The following KIAA1549L variants were observed in gnomAD, a reference collection of about 807,000 sequenced individuals.
KIAA1549L encodes the protein UPF0606 protein KIAA1549L.
Under a neutral mutation model 160.7 loss-of-function variants are expected in KIAA1549L, and 88 were observed. That is an observed-to-expected ratio of 0.55 (90% confidence interval 0.46 to 0.65). The LOEUF is 0.65. Ranked by LOEUF, KIAA1549L falls within the 30% of genes least tolerant of loss-of-function variation. The pLI is 0.00. For missense variants in KIAA1549L, 2,258 were observed against 2,437.5 expected, an observed-to-expected ratio of 0.93 and a Z score of 1.55; for synonymous variants, 950 against 976.7, an observed-to-expected ratio of 0.97 and a Z score of 0.51.
At position 33,543,037 on chromosome 11, in the gene KIAA1549L, G is replaced by A. The variant is rs753289651; in HGVS notation, c.1474G>A (p.Ala492Thr). ...AGCCATCCTTTCTGGGGCGGTTCCC[G>A]CATCACCATCAACTGGGACAGCCGA... ...EQAILSGAVP[A>T]SPSTGTADFP... is the part of the protein sequence containing the mutation. The change falls in exon 2 of 21, where the codon GCA (alanine) becomes ACA (threonine). Residue 492 changes from alanine (A) to threonine (T), a missense_variant. Physicochemically the swap from Ala to Thr is moderately conservative, Grantham distance 58. Around this residue, in one of 6 missense-constraint regions of KIAA1549L, gnomAD observed 540 missense variants for 465.7 expected, o/e 1.16. Coordinates refer to ENST00000658780, the MANE Select transcript of KIAA1549L (RefSeq NM_012194.3). 6.8e-6 allele frequency: 11 copies of A among 1,613,804 alleles called. No individual in the cohort carries two copies. Among genetic ancestry groups the A allele is most frequent in the Middle Eastern group, 1.6e-4 (1 of 6,062 alleles).
intron 8 of KIAA1549L, among the ~76,000 whole-genome samples, chr11:33,566,670 C>G (rs1349755151): frequency 6.6e-6 from 1 of 152,220 alleles, no homozygotes; most frequent in African/African-American, 2.4e-5. Flanking sequence ...AAACATCATT[C>G]TCTGTATCTG....
chr11:33,498,870 T>C (rs1885365), intron 1 of KIAA1549L, among the ~76,000 whole-genome samples: 109,341 of 152,026 alleles, frequency 0.72, 39,976 homozygotes, highest in African/African-American at 0.86. Flanking sequence ...CCCTGCAAGA[T>C]CATTGCTCTG....
chr11:33,491,592 C>T (rs1444712799), intron 1 of KIAA1549L, among the ~76,000 whole-genome samples: 1 of 152,090 alleles, frequency 6.6e-6, no homozygotes, highest in Non-Finnish European at 1.5e-5. Context: ...TTTTGAAGCC[C>T]AAGCTAAAAA....
intron 11 of KIAA1549L, among the ~76,000 whole-genome samples, chr11:33,587,840 C>T (rs1849926417): frequency 6.6e-6 from 1 of 152,320 alleles, no homozygotes; most frequent in African/African-American, 2.4e-5. Flanking sequence ...GTCTTAGCTG[C>T]TGTTGGAGCC....
At chr11:33,605,201 A>G (rs969387061) in intron 13 of KIAA1549L, among the ~76,000 whole-genome samples, 2 of 151,422 alleles carry the variant, frequency 1.3e-5, no homozygotes, top group East Asian at 1.9e-4. Context: ...TTTTTTTACA[A>G]CTAAGCCTTG....
At chr11:33,471,669 A>G (rs1251329410) in intron 1 of KIAA1549L, among the ~76,000 whole-genome samples, 1 of 152,202 alleles carries the variant, frequency 6.6e-6, no homozygotes, top group Non-Finnish European at 1.5e-5. Flanking sequence ...GTCTCTCCCT[A>G]GAAGGAGTCT....
At chr11:33,573,100 T>C (rs1009189370) in intron 9 of KIAA1549L, among the ~76,000 whole-genome samples, 5 of 152,226 alleles carry the variant, frequency 3.3e-5, no homozygotes, top group African/African-American at 9.6e-5. Context: ...GATCAGCTCT[T>C]TTGCCCATTT....
At chr11:33,440,130 T>TTTTTTTTTTTTTC (rs1851467528) in intron 1 of KIAA1549L, among the ~76,000 whole-genome samples, 1 of 61,146 alleles carries the variant, frequency 1.6e-5, no homozygotes, top group Non-Finnish European at 3.3e-5. Flanking sequence ...CTTTTTTTTT[T>TTTTTTTTTTTTTC]TTTTTTTTTT....
intron 16 of KIAA1549L, among the ~76,000 whole-genome samples, chr11:33,621,676 C>A (rs1028999003): frequency 7.9e-5 from 12 of 151,902 alleles, no homozygotes; most frequent in African/African-American, 2.9e-4. Context: ...AAAAAAAATG[C>A]TGTAAATATG....
intron 16 of KIAA1549L, among the ~76,000 whole-genome samples, chr11:33,636,727 T>C (rs1851448911): frequency 6.6e-6 from 1 of 152,246 alleles, no homozygotes; most frequent in South Asian, 2.1e-4. Context: ...CTGTGCCTAA[T>C]TTATAAATTA....
At chr11:33,564,763 A>G (rs1349241905) in intron 8 of KIAA1549L, among the ~76,000 whole-genome samples, 1 of 139,104 alleles carries the variant, frequency 7.2e-6, no homozygotes, top group African/African-American at 2.5e-5. Context: ...CACTTGGGCC[A>G]TGTGGACTTC....
chr11:33,534,703 A>G (rs547588268), intron 1 of KIAA1549L, among the ~76,000 whole-genome samples: 1 of 152,232 alleles, frequency 6.6e-6, no homozygotes, highest in East Asian at 1.9e-4. Context: ...AACTTCCTCC[A>G]AGTCTCAGGT....
At chr11:33,528,746 G>C (rs890532534) in intron 1 of KIAA1549L, among the ~76,000 whole-genome samples, 3 of 152,170 alleles carry the variant, frequency 2.0e-5, no homozygotes, top group Admixed American at 6.5e-5. Context: ...ACCAGTGTAC[G>C]TTCTCACTTA....
At chr11:33,466,187 C>T (rs1041548408) in intron 1 of KIAA1549L, among the ~76,000 whole-genome samples, 7 of 152,112 alleles carry the variant, frequency 4.6e-5, no homozygotes, top group African/African-American at 1.7e-4. Flanking sequence ...AACAGGCAAC[C>T]TACAGAATGG....
intron 3 of KIAA1549L, among the ~76,000 whole-genome samples, chr11:33,546,387 G>A (rs1374632807): frequency 6.6e-6 from 1 of 152,096 alleles, no homozygotes. Flanking sequence ...GCCCCTCAGA[G>A]GCAGAAGTTG....
chr11:33,595,602 A>T (rs1445639303), intron 12 of KIAA1549L, among the ~76,000 whole-genome samples: 1 of 152,044 alleles, frequency 6.6e-6, no homozygotes, highest in East Asian at 1.9e-4. Flanking sequence ...TGTAAGAGAA[A>T]CCTCCTCTCT....
At chr11:33,459,153 C>T (rs1002043923) in intron 1 of KIAA1549L, among the ~76,000 whole-genome samples, 4 of 152,178 alleles carry the variant, frequency 2.6e-5, no homozygotes, top group African/African-American at 9.7e-5. Context: ...AACTCTACAG[C>T]AGCTTGAATT....
chr11:33,403,171 G>C (rs1399743877), intron 1 of KIAA1549L: 5 of 142,622 alleles, frequency 3.5e-5, no homozygotes. Flanking sequence ...CCCAGCATGC[G>C]TGTGCATACA....
At chr11:33,460,409 G>A (rs187824351) in intron 1 of KIAA1549L, among the ~76,000 whole-genome samples, 2 of 152,334 alleles carry the variant, frequency 1.3e-5, no homozygotes, top group South Asian at 2.1e-4. Flanking sequence ...TGTGAGGAAG[G>A]GGTTGTGGAT....
Sources: allele counts gnomAD v4.1 joint callset (sites outside exome capture counted in the v4.1 genomes callset), GRCh38; gene constraint gnomAD v4.1.1; regional missense constraint gnomAD v4.1.1; transcripts MANE v1.5; gene names NCBI Gene and HGNC (gene_info 2026-07-23, HGNC 2026-07-21).